CDH13: variants seen among roughly 807,000 people sequenced by gnomAD.
CDH13 encodes the protein cadherin 13, also known as cadherin-13.
Under a neutral mutation model 63.8 loss-of-function variants are expected in CDH13, and 24 were observed. The observed-to-expected ratio is 0.38, with a 90% CI of 0.27 to 0.53. The LOEUF (loss-of-function observed/expected upper bound fraction) is 0.53. Among genes scored for constraint, CDH13 ranks in the 20% least tolerant of loss-of-function variants. The probability of loss-of-function intolerance (pLI) is 0.85; values close to 1 mark genes in which losing one functional copy is unlikely to be tolerated. For synonymous variants in CDH13, 503 were observed against 355.3 expected (o/e 1.42, Z -4.67); for missense variants, 1,049 against 903.1 (o/e 1.16, Z -2.07).
At chr16:83,493,005 T>G (rs1598147704) in intron 7 of CDH13, among the ~76,000 whole-genome samples, 1 of 152,094 alleles carries the variant, frequency 6.6e-6, no homozygotes, top group Admixed American at 6.6e-5. Context: ...ACCTGTGTTT[T>G]TTGTTGTTGT....
chr16:82,672,999 C>CTTTTTTGTTTTTTTTTTTTTT (rs1913456182), intron 1 of CDH13, among the ~76,000 whole-genome samples: 1 of 81,268 alleles, frequency 1.2e-5, no homozygotes, highest in Non-Finnish European at 2.1e-5. Flanking sequence ...ATAAAGTTTT[C>CTTTTTTGTTTTTTTTTTTTTT]TTTTTTTTTT....
intron 3 of CDH13, among the ~76,000 whole-genome samples, chr16:83,114,570 A>G (rs570721167): frequency 1.4e-4 from 22 of 152,324 alleles, no homozygotes; most frequent in African/African-American, 4.6e-4. Flanking sequence ...ATATCACCAC[A>G]TTTTATTATC....
At chr16:83,085,904 C>G (rs182262270) in intron 3 of CDH13, among the ~76,000 whole-genome samples, 5 of 152,200 alleles carry the variant, frequency 3.3e-5, no homozygotes, top group Admixed American at 6.5e-5. Flanking sequence ...TTTAGAATAC[C>G]TATTAATTCA....
Position 83,344,989 on chromosome 16 carries a change from T to C in CDH13, c.764T>C (p.Met255Thr), listed in dbSNP as rs2090808061. 6.2e-7 allele frequency: 1 copy of C among 1,613,948 alleles called. No homozygotes were observed. The highest frequency in any genetic ancestry group is 1.1e-5 in the South Asian group (1 of 91,082). Residue 255 changes from methionine to threonine, a missense_variant, in exon 6 of 14, where the codon ATG becomes ACG. Coordinates refer to ENST00000567109, the MANE Select transcript of CDH13 (RefSeq NM_001257.5). Reference sequence around the variant, plus strand: ...GAAGGCCCCTACATCGGCCACGTCATGGAAGGGTCACCCACAGGTATGTCA... The same window carrying C: ...GAAGGCCCCTACATCGGCCACGTCACGGAAGGGTCACCCACAGGTATGTCA... The part of the protein sequence containing the change: ...FREGPYIGHV[M>T]EGSPTGTTVM...
chr16:83,337,627 T>C (rs1247818798), intron 5 of CDH13, among the ~76,000 whole-genome samples: 5 of 136,000 alleles, frequency 3.7e-5, no homozygotes, highest in Non-Finnish European at 7.9e-5. Flanking sequence ...GCGTATTTTT[T>C]TTTTTTTTTT....
chr16:83,321,429 A>C (rs2090221561), intron 5 of CDH13, among the ~76,000 whole-genome samples: 1 of 151,838 alleles, frequency 6.6e-6, no homozygotes, highest in African/African-American at 2.4e-5. Context: ...TGTTAACTAC[A>C]CAGTTATTTT....
intron 2 of CDH13, among the ~76,000 whole-genome samples, chr16:82,864,153 C>T (rs1251303648): frequency 1.3e-5 from 2 of 152,268 alleles, no homozygotes; most frequent in East Asian, 1.9e-4. Flanking sequence ...GTTGATGTCA[C>T]CCTTTTTGCT....
intron 5 of CDH13, among the ~76,000 whole-genome samples, chr16:83,306,058 A>G (rs1013510518): frequency 2.0e-5 from 3 of 152,158 alleles, no homozygotes; most frequent in East Asian, 1.9e-4. Context: ...CACCCCCTAG[A>G]TGGGTGTAGA....
intron 2 of CDH13, among the ~76,000 whole-genome samples, chr16:82,909,515 A>G (rs1039582211): frequency 1.3e-5 from 2 of 149,230 alleles, no homozygotes; most frequent in African/African-American, 2.4e-5. Flanking sequence ...TGGGTAATTT[A>G]TAAAGAAAAT....
chr16:83,519,364 A>T (rs1268746509), intron 7 of CDH13, among the ~76,000 whole-genome samples: 1 of 152,232 alleles, frequency 6.6e-6, no homozygotes, highest in African/African-American at 2.4e-5. Flanking sequence ...TGGAGTCCCC[A>T]GAAGACAGCT....
At chr16:83,145,593 T>C (rs2036713892) in intron 4 of CDH13, among the ~76,000 whole-genome samples, 1 of 152,240 alleles carries the variant, frequency 6.6e-6, no homozygotes, top group African/African-American at 2.4e-5. Flanking sequence ...GGTCCCACTT[T>C]GATATTCTGC....
At chr16:83,587,614 G>A (rs2150731486) in intron 7 of CDH13, among the ~76,000 whole-genome samples, 1 of 152,204 alleles carries the variant, frequency 6.6e-6, no homozygotes, top group South Asian at 2.1e-4. Flanking sequence ...TGGGGAAGAA[G>A]AAAGAAAAAG....
At chr16:82,737,563 C>T (rs1331338436) in intron 1 of CDH13, among the ~76,000 whole-genome samples, 1 of 152,190 alleles carries the variant, frequency 6.6e-6, no homozygotes, top group Non-Finnish European at 1.5e-5. Flanking sequence ...GCATTTCATA[C>T]TTAAGCAACA....
intron 1 of CDH13, among the ~76,000 whole-genome samples, chr16:82,637,181 C>T (rs1461563694): frequency 1.3e-5 from 2 of 152,190 alleles, no homozygotes; most frequent in Admixed American, 6.5e-5. Context: ...TTGATTCAGC[C>T]ACTGAATGAA....
intron 5 of CDH13, among the ~76,000 whole-genome samples, chr16:83,230,644 G>C (rs887106580): frequency 6.6e-6 from 1 of 152,124 alleles, no homozygotes; most frequent in Non-Finnish European, 1.5e-5. Context: ...AAAATTAGCT[G>C]GGCGTGGTGG....
intron 1 of CDH13, among the ~76,000 whole-genome samples, chr16:82,764,088 G>A (rs138177393): frequency 4.0e-4 from 61 of 152,322 alleles, no homozygotes; most frequent in African/African-American, 1.3e-3. Context: ...TGCCCAGACC[G>A]TAGACCTGGC....
chr16:82,809,396 G>C (rs904781811), intron 1 of CDH13, among the ~76,000 whole-genome samples: 1 of 151,958 alleles, frequency 6.6e-6, no homozygotes, highest in Non-Finnish European at 1.5e-5. Context: ...GTTTCTTCCT[G>C]AAGAGGATGC....
chr16:83,577,334 C>T lies in CDH13; in HGVS notation c.961-25120C>T, dbSNP rs532777392. On this transcript the variant is annotated intron_variant, in intron 7 of 13. Transcript: ENST00000567109. ...TAGGAGAAGATGAGGTTTCCCAGCA[C>T]GTCCTTTTCAGGACCTCCATGTCAC... 7.9e-5 allele frequency among the ~76,000 whole-genome samples: 12 copies of T among 152,320 alleles called. No individual in the cohort carries two copies. In the South Asian group the frequency reaches 1.4e-3, roughly 18 times the overall value.
intron 10 of CDH13, among the ~76,000 whole-genome samples, chr16:83,731,942 CT>C (rs765222910): frequency 1.5e-4 from 23 of 152,346 alleles, no homozygotes; most frequent in East Asian, 9.6e-4. Context: ...GTGAATATTG[CT>C]TTTCAGATTA....
Sources: allele counts gnomAD v4.1 joint callset (sites outside exome capture counted in the v4.1 genomes callset), GRCh38; gene constraint gnomAD v4.1.1; transcripts MANE v1.5; gene names NCBI Gene and HGNC (gene_info 2026-07-23, HGNC 2026-07-21).